RSF1: variants seen among roughly 807,000 people sequenced by gnomAD.
RSF1 encodes the protein HBV pX-associated protein 8.
A neutral mutation model predicts 145.2 loss-of-function variants in RSF1; 13 were observed. The ratio of observed to expected loss-of-function variants is 0.09; its 90% confidence interval spans 0.06 to 0.14. The LOEUF is 0.14. RSF1 is among the 10% of genes least tolerant of loss of function. The pLI, the probability that RSF1 is intolerant of heterozygous loss-of-function variation, is 1.00. For missense variants in RSF1, 1,517 were observed against 1,718.2 expected (o/e 0.88, Z 2.07); for synonymous variants, 577 against 592.6 (o/e 0.97, Z 0.38).
At chr11:77,812,751 G>T (rs149331797) in intron 1 of RSF1, among the ~76,000 whole-genome samples, 1 of 152,046 alleles carries the variant, frequency 6.6e-6, no homozygotes, top group African/African-American at 2.4e-5. Context: ...TTAGCTGGGC[G>T]TGGTGGCGGG....
chr11:77,673,923 T>C (rs1263902622), intron 14 of RSF1, among the ~76,000 whole-genome samples: 1 of 152,074 alleles, frequency 6.6e-6, no homozygotes, highest in African/African-American at 2.4e-5. Context: ...TATTCCAGAT[T>C]AATGGAGACT....
intron 2 of RSF1, among the ~76,000 whole-genome samples, chr11:77,761,424 A>C (rs1948170630): frequency 6.6e-6 from 1 of 151,882 alleles, no homozygotes; most frequent in East Asian, 1.9e-4. Flanking sequence ...AATTATTCTG[A>C]GGCTAAAAGA....
chr11:77,854,797 G>C, the RSF1 span, among the ~76,000 whole-genome samples: 1 of 152,200 alleles, frequency 6.6e-6, no homozygotes, highest in Non-Finnish European at 1.5e-5. Context: ...TGTCCCAGTG[G>C]GGACTCTGTG....
chr11:77,702,279 T>A lies in RSF1; in HGVS notation c.950A>T (p.Glu317Val). The A allele has an allele frequency of 1.2e-6, 2 of 1,609,002 alleles. No individual in the cohort carries two copies. The highest frequency in any genetic ancestry group is 1.7e-6 in the Non-Finnish European group (2 of 1,178,840). The change falls in exon 6 of 16, where the codon GAA (glutamate) becomes GTA (valine). Residue 317 changes from glutamate to valine, a missense_variant. Glu to Val is a moderately radical substitution (Grantham distance 121). Coordinates refer to ENST00000308488, the MANE Select transcript of RSF1 (RefSeq NM_016578.4). ...CTCAACTTTAATGGGTTTGACATTT[T>A]CCTTGAAGGAATCACTTTCTTCTTT... is the stretch of plus-strand genomic sequence containing the variant. Reference protein sequence around the residue: ...IIKEESDSFKENVKPIKVEVK... With the variant: ...IIKEESDSFKVNVKPIKVEVK...
chr11:77,796,619 C>T (rs1948574844), intron 1 of RSF1, among the ~76,000 whole-genome samples: 2 of 152,186 alleles, frequency 1.3e-5, no homozygotes, highest in South Asian at 4.1e-4. Flanking sequence ...TGCCCTCTCT[C>T]ACCACTCCTA....
rs71046904 is a variant in RSF1 at position 77,692,233 on chromosome 11, A to ATTTTTTTTTTTTTTTTTTTTTTTTTTTT, written c.2821-1023_2821-996dup. ...AAAAAATAATTATTACTACTTTTAA[A>ATTTTTTTTTTTTTTTTTTTTTTTTTTTT]TTTTTTTTTTTTTTTTTTTTTTTTT... On this transcript the variant is annotated intron_variant, in intron 8 of 15. Coordinates refer to ENST00000308488, the MANE Select transcript of RSF1 (RefSeq NM_016578.4). Among the ~76,000 whole-genome samples the ATTTTTTTTTTTTTTTTTTTTTTTTTTTT allele has an allele frequency of 4.0e-5, 2 of 49,472 alleles. 1 individual carries two copies. The highest frequency in any genetic ancestry group is 6.5e-5 in the Non-Finnish European group (2 of 30,696). The allele number at this position is 49,472 out of a possible 152,430, so 32.5% of individuals were successfully genotyped here. A position where few individuals can be genotyped will look rare whatever the true frequency, so the allele number is the denominator to read the frequency against.
At chr11:77,769,850 T>A (rs1403425691) in intron 1 of RSF1, among the ~76,000 whole-genome samples, 1 of 152,244 alleles carries the variant, frequency 6.6e-6, no homozygotes, top group Non-Finnish European at 1.5e-5. Context: ...TTTAAGCTTA[T>A]AAGCAGAGAT....
intron 11 of RSF1, among the ~76,000 whole-genome samples, chr11:77,682,298 A>C (rs1212444443): frequency 6.6e-6 from 1 of 152,210 alleles, no homozygotes; most frequent in Non-Finnish European, 1.5e-5. Context: ...ATAAGAAGCA[A>C]GTTCAAAGTT....
chr11:77,690,161 CAAAA>C (rs112481534), intron 9 of RSF1, among the ~76,000 whole-genome samples: 1 of 88,516 alleles, frequency 1.1e-5, no homozygotes, highest in Non-Finnish European at 2.6e-5. Flanking sequence ...GACTCCATCT[CAAAA>C]AAAAAAAAAA....
At chr11:77,763,660 G>C (rs1428248665) in intron 2 of RSF1, 1 of 152,128 alleles carries the variant, frequency 6.6e-6, no homozygotes, top group East Asian at 1.9e-4. Flanking sequence ...CTAAAATAGG[G>C]TTAAACATAA....
intron 1 of RSF1, among the ~76,000 whole-genome samples, chr11:77,795,124 A>C (rs2135970792): frequency 6.6e-6 from 1 of 152,326 alleles, no homozygotes; most frequent in Non-Finnish European, 1.5e-5. Flanking sequence ...AAATACCTAC[A>C]AATACATTTA....
chr11:77,832,951 ATGTGTGTGTGTGTGTGTGTGTG>A, the RSF1 span, among the ~76,000 whole-genome samples: 2 of 68,418 alleles, frequency 2.9e-5, no homozygotes, highest in African/African-American at 1.3e-4. Flanking sequence ...GTATATATAT[ATGTGTGTGTGTGTGTGTGTGTG>A]TGTGTGTGTG....
At chr11:77,790,811 C>T (rs1434304925) in intron 1 of RSF1, among the ~76,000 whole-genome samples, 1 of 152,192 alleles carries the variant, frequency 6.6e-6, no homozygotes, top group African/African-American at 2.4e-5. Flanking sequence ...ACAGGTCACG[C>T]TGATGCAAAA....
At chr11:77,796,575 A>G (rs2135972397) in intron 1 of RSF1, among the ~76,000 whole-genome samples, 2 of 152,334 alleles carry the variant, frequency 1.3e-5, no homozygotes, top group Middle Eastern at 6.8e-3. Context: ...AAAAACTGGA[A>G]GCATTCTCTT....
intron 1 of RSF1, among the ~76,000 whole-genome samples, chr11:77,773,473 C>T (rs1314575527): frequency 6.6e-6 from 1 of 152,056 alleles, no homozygotes; most frequent in Non-Finnish European, 1.5e-5. Flanking sequence ...TGGGGGCAAA[C>T]ACTCGTTCTT....
chr11:77,687,423 T>C (rs1960038659), intron 9 of RSF1, among the ~76,000 whole-genome samples: 1 of 152,176 alleles, frequency 6.6e-6, no homozygotes, highest in Admixed American at 6.5e-5. Flanking sequence ...TGGTAGCTCA[T>C]GCCTGTAAAC....
chr11:77,839,390 C>T, the RSF1 span, among the ~76,000 whole-genome samples: 5 of 152,156 alleles, frequency 3.3e-5, no homozygotes, highest in African/African-American at 1.2e-4. Flanking sequence ...ATTAGTTCAA[C>T]CTTTGTGGAA....
intron 9 of RSF1, among the ~76,000 whole-genome samples, chr11:77,688,271 C>T (rs1960062609): frequency 6.6e-6 from 1 of 152,184 alleles, no homozygotes; most frequent in African/African-American, 2.4e-5. Context: ...GAACTCCAGC[C>T]TGGGTGACGG....
At chr11:77,702,801 G>A in intron 5 of RSF1, 1 of 201,486 alleles carries the variant, frequency 5.0e-6, no homozygotes, top group South Asian at 1.9e-4. Flanking sequence ...AAATTCAAGA[G>A]ATGGCTTAAA....
Sources: gnomAD v4.1 joint callset for allele counts (sites outside exome capture counted in the v4.1 genomes callset) on GRCh38, gnomAD v4.1.1 for gene constraint, MANE v1.5 for transcripts, NCBI Gene and HGNC (gene_info 2026-07-23, HGNC 2026-07-21) for gene names.